The following ZNF8 variants were observed in gnomAD, a reference collection of about 807,000 sequenced individuals.
The protein encoded by ZNF8 is zinc finger protein 272.
A neutral mutation model predicts 12.2 loss-of-function variants in ZNF8; 9 were observed. That is an observed-to-expected ratio of 0.73 (90% CI 0.44 to 1.28). The LOEUF (loss-of-function observed/expected upper bound fraction) is 1.28. Among genes scored for constraint, ZNF8 ranks in the 50% most tolerant of loss-of-function variants. The pLI, the probability that ZNF8 is intolerant of heterozygous loss-of-function variation, is 0.00. For synonymous variants in ZNF8, 274 were observed against 282.3 expected, an observed-to-expected ratio of 0.97 and a Z score of 0.30; for missense variants, 664 against 729.1, an observed-to-expected ratio of 0.91 and a Z score of 1.03.
Position 58,300,452 on chromosome 19 carries a change from C to G in ZNF8, c.*4916C>G, listed in dbSNP as rs2051484802. ...ATGGTGTTTAAAGGAAAAACATTCC[C>G]AGAAGCCTGCAGCACATGCCCCCCT... On this transcript the variant is annotated 3_prime_UTR_variant, in exon 4 of 4. Coordinates refer to ENST00000621650, the MANE Select transcript of ZNF8 (RefSeq NM_021089.3). 1 of 152,246 alleles carries G rather than the reference C, an allele frequency of 6.6e-6. No homozygotes were observed. Among genetic ancestry groups the G allele is most frequent in the African/African-American group, 2.4e-5 (1 of 41,450 alleles). The allele number at this position is 152,246 out of a possible 1,614,324, so 9.4% of individuals were successfully genotyped here.
chr19:58,295,874 TGTAGAGTA>T lies in ZNF8; in HGVS notation c.*339_*346del. The T allele has an allele frequency of 1.5e-5, 4 of 260,158 alleles. No homozygotes were observed. Among genetic ancestry groups the T allele is most frequent in the Admixed American group, 5.0e-5 (1 of 19,968 alleles). The allele number at this position is 260,158 out of a possible 1,614,324, so 16.1% of individuals were successfully genotyped here. A position where few individuals can be genotyped will look rare whatever the true frequency, so the allele number is the denominator to read the frequency against. ...GAAAGTAATTTATGGTAGAGTAAAT[TGTAGAGTA>T]ACGTGTACTGACTTGGTGCAGTATT... On this transcript the variant is annotated 3_prime_UTR_variant, in exon 4 of 4. Coordinates refer to ENST00000621650, the MANE Select transcript of ZNF8 (RefSeq NM_021089.3).
At chr19:58,289,403 C>G (rs1315093607) in intron 3 of ZNF8, among the ~76,000 whole-genome samples, 3 of 148,084 alleles carry the variant, frequency 2.0e-5, no homozygotes, top group Non-Finnish European at 4.4e-5. Context: ...GGCTGAGGCA[C>G]AAGAATCTCT....
chr19:58,279,724 A>C, intron 1 of ZNF8: 1 of 1,521,016 alleles, frequency 6.6e-7, no homozygotes, highest in Non-Finnish European at 8.8e-7. Flanking sequence ...GGAGAACTGC[A>C]GTGCAGGGCG....
chr19:58,294,915 C>G lies in ZNF8; in HGVS notation c.1107C>G (p.Tyr369Ter), dbSNP rs755286585. The G allele has an allele frequency of 6.2e-7, 1 of 1,614,200 alleles. No individual in the cohort carries two copies. The highest frequency in any genetic ancestry group is 1.1e-5 in the South Asian group (1 of 91,088). Residue 369 changes from tyrosine (Y) to a stop codon, truncating the protein, a stop_gained, in exon 4 of 4, where the codon TAC becomes TAG. Transcript: ENST00000621650. LOFTEE classifies it low-confidence loss of function (END_TRUNC). This position sits in a 1 kb window ranked among gnomAD's most constrained non-coding sequence, Gnocchi z 5.5. ...GGACACACACTGGGGAGAAGCCATACACCTGCAGTGTGTGTGGGAAATCCT... is the reference window on the plus strand; with the variant it reads ...GGACACACACTGGGGAGAAGCCATAGACCTGCAGTGTGTGTGGGAAATCCT... Reference protein sequence around the residue: ...HKRTHTGEKPYTCSVCGKSFS... With the variant: ...HKRTHTGEKP
At chr19:58,281,144 T>C (rs940888360) in intron 1 of ZNF8, among the ~76,000 whole-genome samples, 4 of 152,058 alleles carry the variant, frequency 2.6e-5, no homozygotes, top group Non-Finnish European at 2.9e-5. Context: ...CAGTATTCAG[T>C]GATGAGAAGG....
Position 58,295,198 on chromosome 19 carries a change from G to T in ZNF8, c.1390G>T (p.Asp464Tyr). The T allele has an allele frequency of 1.2e-6, 2 of 1,614,158 alleles. No individual in the cohort carries two copies. Among genetic ancestry groups the T allele is most frequent in the Non-Finnish European group, 1.7e-6 (2 of 1,180,038 alleles). Reference sequence around the variant, plus strand: ...TCAAGATGAGAGGACTCACCGAAGCGACAGACCCTTCAAATGTAATCAGTG... The same window carrying T: ...TCAAGATGAGAGGACTCACCGAAGCTACAGACCCTTCAAATGTAATCAGTG... ...LSQDERTHRSDRPFKCNQCGK... is the reference protein window; with the variant it reads ...LSQDERTHRSYRPFKCNQCGK... Residue 464 changes from aspartate to tyrosine, a missense_variant, in exon 4 of 4, where the codon GAC (aspartate) becomes TAC (tyrosine). Asp to Tyr is a radical substitution (Grantham distance 160). Transcript: ENST00000621650.
chr19:58,291,970 T>C (rs1272883353), intron 3 of ZNF8, among the ~76,000 whole-genome samples: 2 of 151,898 alleles, frequency 1.3e-5, no homozygotes, highest in South Asian at 2.1e-4. Context: ...AGCCAGGGCA[T>C]GGTGGAGAAG....
At position 58,295,067 on chromosome 19, in the gene ZNF8, C is replaced by A; in HGVS notation, c.1259C>A (p.Ala420Glu). Reference sequence around the variant, plus strand: ...CTGGCCCAGCACCAGCGGAAGCACGCGGGGGAGAAGCCCTTTGAGTGCCGC... The same window carrying A: ...CTGGCCCAGCACCAGCGGAAGCACGAGGGGGAGAAGCCCTTTGAGTGCCGC... ...SSLAQHQRKHAGEKPFECRQR... is the reference protein window; with the variant it reads ...SSLAQHQRKHEGEKPFECRQR... The change falls in exon 4 of 4, where the codon GCG becomes GAG. Residue 420 changes from alanine to glutamate, a missense_variant. Around this residue, in one of 3 missense-constraint regions of ZNF8, gnomAD observed 225 missense variants for 222.0 expected, o/e 1.01. Coordinates refer to ENST00000621650, the MANE Select transcript of ZNF8 (RefSeq NM_021089.3). The A allele has an allele frequency of 6.2e-7, 1 of 1,614,044 alleles. No homozygotes were observed. The highest frequency in any genetic ancestry group is 2.2e-5 in the East Asian group (1 of 44,888).
intron 1 of ZNF8, 111 bp from the exon 2 acceptor site, chr19:58,285,606 T>C: frequency 6.8e-7 from 1 of 1,476,074 alleles, no homozygotes; most frequent in Non-Finnish European, 9.4e-7. Flanking sequence ...ATTCATAACG[T>C]GCAGTCTCTC....
intron 3 of ZNF8, chr19:58,286,481 T>C (rs2051384279): frequency 3.0e-6 from 1 of 335,016 alleles, no homozygotes; most frequent in Non-Finnish European, 5.7e-6. Flanking sequence ...CCCCCAGCAC[T>C]CAGGTGTGAC....
chr19:58,281,758 ATTTC>A (rs757935851), intron 1 of ZNF8, among the ~76,000 whole-genome samples: 4 of 152,120 alleles, frequency 2.6e-5, no homozygotes, highest in African/African-American at 9.7e-5. Context: ...CTGTACTAAA[ATTTC>A]TTTCTTATTT....
chr19:58,301,660 T>C lies in ZNF8; in HGVS notation c.*6124T>C, dbSNP rs184141797. 374 of 152,534 alleles carry C rather than the reference T, an allele frequency of 2.5e-3. 2 individuals carry two copies. Among genetic ancestry groups the C allele is most frequent in the Admixed American group, 3.5e-3 (53 of 15,304 alleles). 9.4% of individuals were successfully genotyped at this position (152,534 alleles called of 1,614,324 possible). On this transcript the variant is annotated 3_prime_UTR_variant, in exon 4 of 4. Coordinates refer to ENST00000621650, the MANE Select transcript of ZNF8 (RefSeq NM_021089.3). ...ATGGCCAGTCCTGAAGGGGTCACAG[T>C]TGATACTTCTCTGAGGGGGCATGGG... is the stretch of plus-strand genomic sequence containing the variant.
At position 58,301,884 on chromosome 19, in the gene ZNF8, A is replaced by G. The variant is rs777051485; in HGVS notation, c.*6348A>G. ...AACCTGCTGGGAATGAATCCTACAT[A>G]TATATTTATATGTGTGCAGGCTACA... On this transcript the variant is annotated 3_prime_UTR_variant, in exon 4 of 4. Coordinates refer to ENST00000621650, the MANE Select transcript of ZNF8 (RefSeq NM_021089.3). 1.3e-5 allele frequency: 2 copies of G among 152,166 alleles called. No homozygotes were observed. Among genetic ancestry groups the G allele is most frequent in the South Asian group, 4.1e-4 (2 of 4,826 alleles). 9.4% of individuals were successfully genotyped at this position (152,166 alleles called of 1,614,324 possible).
At chr19:58,283,681 G>A (rs1174586404) in intron 1 of ZNF8, among the ~76,000 whole-genome samples, 1 of 145,082 alleles carries the variant, frequency 6.9e-6, no homozygotes, top group Non-Finnish European at 1.5e-5. Context: ...CTCACTGCAA[G>A]CTCTGCCTCC....
intron 1 of ZNF8, 143 bp from the exon 2 acceptor site, chr19:58,285,574 C>A: frequency 1.7e-6 from 2 of 1,172,100 alleles, no homozygotes; most frequent in Admixed American, 1.7e-5. Flanking sequence ...TAATAGGTGC[C>A]CAGTGAGACC....
At position 58,294,698 on chromosome 19, in the gene ZNF8, ACTCC is replaced by A. The variant is rs2051442036; in HGVS notation, c.891_894del (p.Ser298ProfsTer90). On this transcript the variant is annotated frameshift_variant, in exon 4 of 4. Coordinates refer to ENST00000621650, the MANE Select transcript of ZNF8 (RefSeq NM_021089.3). LOFTEE classifies it low-confidence loss of function (END_TRUNC). This position sits in a 1 kb window ranked among gnomAD's most constrained non-coding sequence, Gnocchi z 5.5. ...GAGTGTGGGAAAGCCTTCAGCCAGA[ACTCC>A]TCCCTCGTCCAGCATGAGCGCATCC... is the stretch of plus-strand genomic sequence containing the variant. 2 of 1,613,306 alleles carry A rather than the reference ACTCC, an allele frequency of 1.2e-6. No individual in the cohort carries two copies. The highest frequency in any genetic ancestry group is 1.7e-6 in the Non-Finnish European group (2 of 1,179,856).
intron 3 of ZNF8, among the ~76,000 whole-genome samples, chr19:58,289,474 C>A (rs554190805): frequency 1.4e-5 from 2 of 144,802 alleles, no homozygotes; most frequent in Non-Finnish European, 3.0e-5. Flanking sequence ...CCAGCCTGGG[C>A]GACAGAGCAA....
chr19:58,285,149 G>GTT (rs1257398126), intron 1 of ZNF8, among the ~76,000 whole-genome samples: 3 of 102,748 alleles, frequency 2.9e-5, no homozygotes, highest in African/African-American at 1.0e-4. Context: ...TGGTGAACCT[G>GTT]TTTTTTTGTT....
intron 3 of ZNF8, among the ~76,000 whole-genome samples, chr19:58,290,360 C>T (rs1032164593): frequency 2.0e-5 from 3 of 151,726 alleles, no homozygotes; most frequent in Admixed American, 6.6e-5. Context: ...GTGATCCGCC[C>T]GCCTTGGCCT....
Sources: gnomAD v4.1 joint callset for allele counts (sites outside exome capture counted in the v4.1 genomes callset) on GRCh38, gnomAD v4.1.1 for gene constraint, gnomAD v4.1.1 regional missense constraint, Gnocchi (gnomAD v3.1) non-coding constraint, MANE v1.5 for transcripts, NCBI Gene and HGNC (gene_info 2026-07-23, HGNC 2026-07-21) for gene names.